FBXO44: variants seen among roughly 807,000 people sequenced by gnomAD.
FBXO44 encodes the protein F-box protein 44, also known as F-box only protein 44.
A neutral mutation model predicts 33.5 loss-of-function variants in FBXO44; 25 were observed. The ratio of observed to expected loss-of-function variants is 0.75; its 90% CI spans 0.54 to 1.04. FBXO44 has a LOEUF of 1.04. Among genes scored for constraint, FBXO44 ranks in the 50% least tolerant of loss-of-function variants. The probability of loss-of-function intolerance (pLI) is 0.00; values close to 1 mark genes in which losing one functional copy is unlikely to be tolerated. For missense variants in FBXO44, 311 were observed against 344.0 expected (o/e 0.90, Z 0.76); for synonymous variants, 147 against 152.8 (o/e 0.96, Z 0.28).
At chr1:11,659,165 A>C (rs1400275764) in intron 5 of FBXO44, among the ~76,000 whole-genome samples, 2 of 152,246 alleles carry the variant, frequency 1.3e-5, no homozygotes, top group Non-Finnish European at 2.9e-5. Context: ...AGGTAGGCAG[A>C]TCACCTGAGG....
At position 11,661,111 on chromosome 1, in the gene FBXO44, C is replaced by A. The variant is rs371782729; in HGVS notation, c.625-19C>A. The A allele has an allele frequency of 3.4e-5, 54 of 1,602,580 alleles. No homozygotes were observed. Among genetic ancestry groups the A allele is most frequent in the African/African-American group, 2.8e-4 (21 of 74,756 alleles). The stretch of plus-strand genomic sequence containing the variant: ...GTCAGCTCCCTTGACCTTTCTCCCC[C>A]CTCTACCTGCCCTGCCAGGTCTCCC... On this transcript the variant is annotated intron_variant, in intron 5 of 5. Transcript: ENST00000251547. The surrounding 1 kb of genome is among the most constrained non-coding windows in gnomAD (Gnocchi z 4.4).
At chr1:11,655,475 T>C in intron 1 of FBXO44, 1 of 274,656 alleles carries the variant, frequency 3.6e-6, no homozygotes, top group South Asian at 5.3e-5. Context: ...TGGGGTGCTC[T>C]GCCCGGCTGC....
upstream of FBXO44, chr1:11,654,478 C>T: frequency 2.5e-6 from 2 of 815,408 alleles, no homozygotes; most frequent in Non-Finnish European, 3.3e-6. Flanking sequence ...ACCCGACCCG[C>T]CCCGCCCCGC....
chr1:11,656,940 G>C (rs1258073233), intron 2 of FBXO44, among the ~76,000 whole-genome samples: 2 of 152,170 alleles, frequency 1.3e-5, no homozygotes, highest in Admixed American at 1.3e-4. Context: ...GGCCAAAGGG[G>C]TTTTGCTTGT....
chr1:11,654,840 C>CGCGGGGA (rs1639653122), upstream of FBXO44: 3 of 145,646 alleles, frequency 2.1e-5, no homozygotes, highest in South Asian at 5.6e-4. Flanking sequence ...GGGCGCGGGG[C>CGCGGGGA]GCGGGGGCGG....
intron 2 of FBXO44, 26 bp downstream of exon 2, chr1:11,656,126 GC>G: frequency 6.2e-7 from 1 of 1,610,084 alleles, no homozygotes; most frequent in South Asian, 1.1e-5. Flanking sequence ...GGTCTGGCAT[GC>G]CTCCAGTACA....
intron 1 of FBXO44, 145 bp from the exon 2 acceptor site, chr1:11,655,661 T>C (rs943022121): frequency 7.0e-6 from 5 of 717,212 alleles, no homozygotes; most frequent in Non-Finnish European, 1.1e-5. Context: ...GTACCTGATG[T>C]GTCCCAAGCT....
In FBXO44 at chr1:11,654,961, C is replaced by G. The variant is rs1161767643; in HGVS notation, c.-31+9C>G. On this transcript the variant is annotated intron_variant, in intron 1 of 5. Coordinates refer to ENST00000251547, the MANE Select transcript of FBXO44 (RefSeq NM_033182.7). The stretch of plus-strand genomic sequence containing the variant: ...GCGGCGGCCGAGCGCAGGTGACCGG[C>G]AGGAGGGGGCGCGGGGGGCGCTGGG... The G allele has an allele frequency of 7.9e-6, 1 of 127,148 alleles. No homozygotes were observed. Among genetic ancestry groups the G allele is most frequent in the African/African-American group, 3.1e-5 (1 of 32,664 alleles). The allele number at this position is 127,148 out of a possible 1,614,324, so 7.9% of individuals were successfully genotyped here.
Position 11,658,594 on chromosome 1 carries a change from G to GAT in FBXO44, c.456_457dup (p.Thr153IlefsTer108), listed in dbSNP as rs1185440837. ...CGAAGGGTATTGGGAGGAGCTGATG[G>GAT]ATACCACACGGCCGGACATCGAGGT... is the stretch of plus-strand genomic sequence containing the variant. On this transcript the variant is annotated frameshift_variant, in exon 4 of 6. Transcript: ENST00000251547. LOFTEE classifies it high-confidence loss of function. The GAT allele has an allele frequency of 6.2e-7, 1 of 1,613,494 alleles. No individual in the cohort carries two copies. Among genetic ancestry groups the GAT allele is most frequent in the Non-Finnish European group, 8.5e-7 (1 of 1,179,966 alleles).
In FBXO44 at chr1:11,656,084, C is replaced by T; in HGVS notation, c.249C>T (p.His83=). The change falls in exon 2 of 6, where the codon CAC becomes CAT. Residue 83 remains histidine (H), a synonymous_variant. Transcript: ENST00000251547. ...FLRSLHRNLL[H]NPCAEEGFEF... The stretch of plus-strand genomic sequence containing the variant: ...GGAGCCTGCACAGGAACCTCCTGCA[C>T]AACCCGTGCGCTGAAGGTGGGGTAC... 26 of 1,613,968 alleles carry T rather than the reference C, an allele frequency of 1.6e-5. No homozygotes were observed. Among genetic ancestry groups the T allele is most frequent in the Non-Finnish European group, 2.2e-5 (26 of 1,179,880 alleles).
chr1:11,656,065 T>A lies in FBXO44; in HGVS notation c.230T>A (p.Leu77Gln), dbSNP rs749503812. ...AAGATCTTCTACTTCTTACGGAGCC[T>A]GCACAGGAACCTCCTGCACAACCCG... ...DWKIFYFLRSLHRNLLHNPCA... is the reference protein window; with the variant it reads ...DWKIFYFLRSQHRNLLHNPCA... The change falls in exon 2 of 6, where the codon CTG (leucine) becomes CAG (glutamine). Residue 77 changes from leucine (L) to glutamine (Q), a missense_variant. Coordinates refer to ENST00000251547, the MANE Select transcript of FBXO44 (RefSeq NM_033182.7). 3.4e-5 allele frequency: 55 copies of A among 1,614,092 alleles called. No individual in the cohort carries two copies. Among genetic ancestry groups the A allele is most frequent in the Non-Finnish European group, 4.7e-5 (55 of 1,180,008 alleles).
At chr1:11,658,971 C>T (rs1264202839) in intron 5 of FBXO44, 100 bp downstream of exon 5, 1 of 1,442,084 alleles carries the variant, frequency 6.9e-7, no homozygotes, top group Non-Finnish European at 9.4e-7. Flanking sequence ...CACCTTCTCA[C>T]CTGTGCTTCC....
At chr1:11,660,945 T>A (rs1271340003) in intron 5 of FBXO44, among the ~76,000 whole-genome samples, 185 bp from the exon 6 acceptor site, 1 of 145,648 alleles carries the variant, frequency 6.9e-6, no homozygotes, top group Admixed American at 6.9e-5. Context: ...GCCTGGCTAA[T>A]TTTTTTTTTC....
In FBXO44 at chr1:11,658,533, C is replaced by T; in HGVS notation, c.393C>T (p.Tyr131=). 1 of 1,612,276 alleles carries T rather than the reference C, an allele frequency of 6.2e-7. No individual in the cohort carries two copies. Among genetic ancestry groups the T allele is most frequent in the Non-Finnish European group, 8.5e-7 (1 of 1,179,694 alleles). Reference sequence around the variant, plus strand: ...CTCCCACCCCTCTGCCTGCCCCCAGCACCTGCCTCAAGTCCCAGGTGGTGG... The same window carrying T: ...CTCCCACCCCTCTGCCTGCCCCCAGTACCTGCCTCAAGTCCCAGGTGGTGG... ...QVKKYFVTSY[Y]TCLKSQVVDL... Residue 131 remains tyrosine (Y), a splice_region_variant and synonymous_variant, in exon 4 of 6, where the codon TAC becomes TAT. Coordinates refer to ENST00000251547, the MANE Select transcript of FBXO44 (RefSeq NM_033182.7).
Position 11,657,234 on chromosome 1 carries a change from C to G in FBXO44, c.266-1033C>G, listed in dbSNP as rs188847182. On this transcript the variant is annotated intron_variant, in intron 2 of 5. Transcript: ENST00000251547. ...GAAGAAGAAACAACAAAAAACTATACAATAGAGATAGTTTATGGCCCACAA... is the reference window on the plus strand; with the variant it reads ...GAAGAAGAAACAACAAAAAACTATAGAATAGAGATAGTTTATGGCCCACAA... 4.1e-3 allele frequency among the ~76,000 whole-genome samples: 629 copies of G among 152,316 alleles called. 5 individuals carry two copies. The highest frequency in any genetic ancestry group is 0.015 in the African/African-American group (605 of 41,562).
In FBXO44 at chr1:11,658,563, C is replaced by A. The variant is rs757562345; in HGVS notation, c.423C>A (p.Leu141=). The A allele has an allele frequency of 5.6e-6, 9 of 1,613,276 alleles. No homozygotes were observed. The highest frequency in any genetic ancestry group is 7.6e-6 in the Non-Finnish European group (9 of 1,180,000). ...GCCTCAAGTCCCAGGTGGTGGACCT[C>A]AAGGCCGAAGGGTATTGGGAGGAGC... ...YTCLKSQVVD[L]KAEGYWEELM... The change falls in exon 4 of 6, where the codon CTC becomes CTA. Residue 141 remains leucine (L), a synonymous_variant. Transcript: ENST00000251547.
chr1:11,655,905 C>T lies in FBXO44; in HGVS notation c.70C>T (p.Arg24Cys). 6.2e-7 allele frequency: 1 copy of T among 1,613,928 alleles called. No homozygotes were observed. Among genetic ancestry groups the T allele is most frequent in the Non-Finnish European group, 8.5e-7 (1 of 1,180,016 alleles). ...GGAGCTGTTCACGCACGTGCCCGCCCGCCAGCTGCTGCTGAACTGCCGCCT... is the reference window on the plus strand; with the variant it reads ...GGAGCTGTTCACGCACGTGCCCGCCTGCCAGCTGCTGCTGAACTGCCGCCT... ...LLELFTHVPA[R>C]QLLLNCRLVC... Residue 24 changes from arginine to cysteine, a missense_variant, in exon 2 of 6, where the codon CGC (arginine) becomes TGC (cysteine). Arg to Cys is a radical substitution (Grantham distance 180, BLOSUM62 -3). Transcript: ENST00000251547.
chr1:11,655,680 C>G, intron 1 of FBXO44, 126 bp from the exon 2 acceptor site: 1 of 964,744 alleles, frequency 1.0e-6, no homozygotes. Context: ...CTCCTTGGAC[C>G]GCCCCAGTGA....
In FBXO44 at chr1:11,661,211, G is replaced by A. The variant is rs774761757; in HGVS notation, c.706G>A (p.Ala236Thr). The A allele has an allele frequency of 1.2e-6, 2 of 1,614,134 alleles. No homozygotes were observed. The highest frequency in any genetic ancestry group is 1.3e-5 in the African/African-American group (1 of 75,036). The change falls in exon 6 of 6, where the codon GCC becomes ACC. Residue 236 changes from alanine to threonine, a missense_variant. Physicochemically the swap from Ala to Thr is moderately conservative, Grantham distance 58. Coordinates refer to ENST00000251547, the MANE Select transcript of FBXO44 (RefSeq NM_033182.7). This position sits in a 1 kb window ranked among gnomAD's most constrained non-coding sequence, Gnocchi z 4.4. The stretch of plus-strand genomic sequence containing the variant: ...CGGCGGCGTGGACACTCATTACTGG[G>A]CCGGCTGGTACGGCCCGAGGGTCAC... The part of the protein sequence containing the change: ...QHGGVDTHYW[A>T]GWYGPRVTNS...
Sources: gnomAD v4.1 joint callset for allele counts (sites outside exome capture counted in the v4.1 genomes callset) on GRCh38, gnomAD v4.1.1 for gene constraint, Gnocchi (gnomAD v3.1) non-coding constraint, MANE v1.5 for transcripts, NCBI Gene and HGNC (gene_info 2026-07-23, HGNC 2026-07-21) for gene names.